SLC24A3: variants seen among roughly 807,000 people sequenced by gnomAD.
SLC24A3 encodes solute carrier family 24 member 3.
In SLC24A3, 28 loss-of-function variants were observed where a neutral mutation model predicts 75.8. That is an observed-to-expected ratio of 0.37 (90% CI 0.27 to 0.51). The LOEUF (loss-of-function observed/expected upper bound fraction) is 0.51. SLC24A3 is among the 20% of genes least tolerant of loss of function. SLC24A3 has a pLI of 0.94. For synonymous variants in SLC24A3, 372 were observed against 334.1 expected (o/e 1.11, Z -1.24); for missense variants, 663 against 847.8 (o/e 0.78, Z 2.71).
At chr20:19,568,521 A>G (rs560836891) in intron 3 of SLC24A3, among the ~76,000 whole-genome samples, 1 of 152,332 alleles carries the variant, frequency 6.6e-6, no homozygotes, top group South Asian at 2.1e-4. Context: ...AAGAGGAAAT[A>G]TCATATGATT....
At chr20:19,265,285 A>G (rs1243148245) in intron 1 of SLC24A3, among the ~76,000 whole-genome samples, 2 of 152,198 alleles carry the variant, frequency 1.3e-5, no homozygotes, top group Non-Finnish European at 2.9e-5. Context: ...TTTATGTCCC[A>G]TAGCCATCTT....
chr20:19,569,703 C>A (rs192833285), intron 3 of SLC24A3, among the ~76,000 whole-genome samples: 2 of 151,960 alleles, frequency 1.3e-5, no homozygotes, highest in Non-Finnish European at 2.9e-5. Context: ...CAGGGTCTGG[C>A]GGCAGCTGCT....
chr20:19,639,344 C>T (rs1318521720), intron 6 of SLC24A3, among the ~76,000 whole-genome samples: 1 of 149,280 alleles, frequency 6.7e-6, no homozygotes, highest in African/African-American at 2.5e-5. Context: ...TATTTACAAT[C>T]CCTGAGCTAG....
intron 3 of SLC24A3, among the ~76,000 whole-genome samples, chr20:19,543,926 G>A (rs2122590415): frequency 6.6e-6 from 1 of 152,320 alleles, no homozygotes; most frequent in Admixed American, 6.5e-5. Context: ...CTTTGGAACA[G>A]AATCCTGAGT....
At chr20:19,611,924 C>T (rs760129187) in intron 6 of SLC24A3, among the ~76,000 whole-genome samples, 15 of 152,182 alleles carry the variant, frequency 9.9e-5, no homozygotes, top group Non-Finnish European at 2.1e-4. Flanking sequence ...CCAGGCTCCC[C>T]GTTGCCCTGG....
At chr20:19,438,975 G>T (rs1415578437) in intron 2 of SLC24A3, among the ~76,000 whole-genome samples, 1 of 152,236 alleles carries the variant, frequency 6.6e-6, no homozygotes. Context: ...TCAAGCGCAT[G>T]GTGAGACAAG....
intron 2 of SLC24A3, among the ~76,000 whole-genome samples, chr20:19,351,947 T>C (rs750756516): frequency 2.0e-5 from 3 of 152,020 alleles, no homozygotes; most frequent in Non-Finnish European, 4.4e-5. Flanking sequence ...GTGTCATAGG[T>C]GGGGCTCCTA....
Position 19,497,834 on chromosome 20 carries a change from G to C in SLC24A3, c.272-17654G>C, listed in dbSNP as rs537095985. 2.0e-5 allele frequency among the ~76,000 whole-genome samples: 3 copies of C among 152,256 alleles called. No homozygotes were observed. The South Asian group carries it at 6.2e-4, about 32-fold the overall frequency. ...TGCTACTGTTTCTGCTGGAGAACTTGGCTGTTTGTTCAAGGAGAAATGCTT... is the reference window on the plus strand; with the variant it reads ...TGCTACTGTTTCTGCTGGAGAACTTCGCTGTTTGTTCAAGGAGAAATGCTT... On this transcript the variant is annotated intron_variant, in intron 2 of 16. Coordinates refer to ENST00000328041, the MANE Select transcript of SLC24A3 (RefSeq NM_020689.4).
chr20:19,497,856 G>T (rs1411310874), intron 2 of SLC24A3, among the ~76,000 whole-genome samples: 1 of 152,160 alleles, frequency 6.6e-6, no homozygotes, highest in African/African-American at 2.4e-5. Flanking sequence ...AAGGAGAAAT[G>T]CTTTAAAGCA....
chr20:19,470,335 A>G (rs1987848578), intron 2 of SLC24A3, among the ~76,000 whole-genome samples: 1 of 152,324 alleles, frequency 6.6e-6, no homozygotes, highest in South Asian at 2.1e-4. Flanking sequence ...CAGGGCTGTT[A>G]TCTCAGCAAC....
chr20:19,249,423 G>A (rs991557448), intron 1 of SLC24A3, among the ~76,000 whole-genome samples: 1 of 152,138 alleles, frequency 6.6e-6, no homozygotes, highest in Non-Finnish European at 1.5e-5. Context: ...CATTTGTGTT[G>A]TTTGTCTTCA....
At chr20:19,421,719 G>A (rs1283252554) in intron 2 of SLC24A3, among the ~76,000 whole-genome samples, 1 of 152,182 alleles carries the variant, frequency 6.6e-6, no homozygotes, top group East Asian at 1.9e-4. Flanking sequence ...AAAAAAAGTG[G>A]GGGGACAGAG....
chr20:19,626,756 A>G (rs2031871119), intron 6 of SLC24A3, among the ~76,000 whole-genome samples: 1 of 152,192 alleles, frequency 6.6e-6, no homozygotes, highest in African/African-American at 2.4e-5. Flanking sequence ...AGCAGTGTAG[A>G]TGTGGAGGAA....
chr20:19,508,022 T>C (rs1288607798), intron 2 of SLC24A3, among the ~76,000 whole-genome samples: 1 of 152,006 alleles, frequency 6.6e-6, no homozygotes, highest in African/African-American at 2.4e-5. Flanking sequence ...GACAAGAAAA[T>C]GCCTACAGTG....
chr20:19,570,778 G>A (rs79589350), intron 3 of SLC24A3, among the ~76,000 whole-genome samples: 5,128 of 152,124 alleles, frequency 0.034, 300 homozygotes, highest in African/African-American at 0.12. Context: ...GTATTACTGT[G>A]GCATATTGCC....
chr20:19,436,923 C>T (rs935863301), intron 2 of SLC24A3, among the ~76,000 whole-genome samples: 18 of 152,228 alleles, frequency 1.2e-4, no homozygotes, highest in African/African-American at 4.1e-4. Flanking sequence ...GATAGCAGCC[C>T]CCATTGATGA....
intron 2 of SLC24A3, among the ~76,000 whole-genome samples, chr20:19,343,564 G>GA (rs923678139): frequency 9.4e-5 from 14 of 148,462 alleles, no homozygotes; most frequent in East Asian, 5.9e-4. Context: ...AGTTGAAGGA[G>GA]AAAAAAAAAA....
At chr20:19,403,295 A>C (rs900438621) in intron 2 of SLC24A3, among the ~76,000 whole-genome samples, 1 of 152,252 alleles carries the variant, frequency 6.6e-6, no homozygotes, top group African/African-American at 2.4e-5. Context: ...TAAACTTGTT[A>C]TTCATTATTC....
intron 1 of SLC24A3, among the ~76,000 whole-genome samples, chr20:19,215,060 A>T (rs73277063): frequency 0.014 from 2,102 of 152,252 alleles, 42 homozygotes; most frequent in African/African-American, 0.048. Context: ...TGATTTTGGT[A>T]TGTGATGCAC....
Sources: allele counts gnomAD v4.1 joint callset (sites outside exome capture counted in the v4.1 genomes callset), GRCh38; gene constraint gnomAD v4.1.1; transcripts MANE v1.5; gene names NCBI Gene and HGNC (gene_info 2026-07-23, HGNC 2026-07-21).